Variants in GRIP1 observed in about 807,000 individuals in gnomAD.
GRIP1 encodes the protein glutamate receptor interacting protein 1.
A neutral mutation model predicts 129.9 loss-of-function variants in GRIP1; 45 were observed. The ratio of observed to expected loss-of-function variants is 0.35; its 90% CI spans 0.27 to 0.44. GRIP1 has a LOEUF of 0.44. GRIP1 is among the 20% of genes least tolerant of loss of function. The probability of loss-of-function intolerance (pLI) is 1.00; values close to 1 mark genes in which losing one functional copy is unlikely to be tolerated. For missense variants in GRIP1, 1,196 were observed against 1,396.8 expected, an observed-to-expected ratio of 0.86 and a Z score of 2.29; for synonymous variants, 530 against 520.8, an observed-to-expected ratio of 1.02 and a Z score of -0.24.
chr12:66,473,639 G>T (rs771292934), intron 7 of GRIP1, among the ~76,000 whole-genome samples: 1 of 152,220 alleles, frequency 6.6e-6, no homozygotes, highest in Non-Finnish European at 1.5e-5. Context: ...GAAGGAACAG[G>T]CAGCAATCTT....
At chr12:66,740,861 CA>C (rs2136555046) in intron 1 of GRIP1, among the ~76,000 whole-genome samples, 1 of 152,164 alleles carries the variant, frequency 6.6e-6, no homozygotes, top group South Asian at 2.1e-4. Flanking sequence ...AAGCAGGAGC[CA>C]ACCAAAGTCC....
intron 7 of GRIP1, among the ~76,000 whole-genome samples, chr12:66,503,278 A>T (rs992214649): frequency 1.3e-5 from 2 of 152,176 alleles, no homozygotes; most frequent in African/African-American, 4.8e-5. Context: ...TTTTGGGGGC[A>T]TCCCACCAGA....
intron 1 of GRIP1, among the ~76,000 whole-genome samples, chr12:66,721,486 G>A (rs933646040): frequency 1.2e-4 from 18 of 151,996 alleles, no homozygotes; most frequent in African/African-American, 3.9e-4. Flanking sequence ...TGTTGGCCAG[G>A]CTGGTCTTGA....
intron 1 of GRIP1, among the ~76,000 whole-genome samples, chr12:66,941,761 A>G (rs1370593038): frequency 6.6e-6 from 1 of 152,218 alleles, no homozygotes; most frequent in African/African-American, 2.4e-5. Flanking sequence ...AGGATGTACA[A>G]TTAAATGGCA....
At chr12:66,645,381 T>C (rs1387609089) in intron 1 of GRIP1, among the ~76,000 whole-genome samples, 4 of 151,952 alleles carry the variant, frequency 2.6e-5, no homozygotes, top group Non-Finnish European at 5.9e-5. Context: ...TCTGAGGACC[T>C]TATACATGCA....
chr12:66,679,206 G>C, upstream of GRIP1: 1 of 1,171,492 alleles, frequency 8.5e-7, no homozygotes, highest in South Asian at 1.6e-5. Context: ...ACAAAGCAGG[G>C]ACGACACTGT....
At chr12:66,369,763 C>T (rs1018478936) in intron 23 of GRIP1, among the ~76,000 whole-genome samples, 6 of 152,108 alleles carry the variant, frequency 3.9e-5, no homozygotes, top group South Asian at 4.1e-4. Context: ...AGGTGCCAGC[C>T]GTCTTCTTGG....
intron 1 of GRIP1, among the ~76,000 whole-genome samples, chr12:66,973,351 AT>A (rs1292365410): frequency 5.8e-5 from 8 of 138,536 alleles, no homozygotes; most frequent in African/African-American, 2.1e-4. Flanking sequence ...GAAAATGGTT[AT>A]TTTTTCCCTT....
chr12:66,931,733 A>G (rs2041399289), intron 1 of GRIP1, among the ~76,000 whole-genome samples: 1 of 152,224 alleles, frequency 6.6e-6, no homozygotes, highest in African/African-American at 2.4e-5. Flanking sequence ...TGAGAATATT[A>G]GATAAAATAC....
chr12:66,975,539 T>C (rs145670669), intron 1 of GRIP1, among the ~76,000 whole-genome samples: 43 of 152,340 alleles, frequency 2.8e-4, no homozygotes, highest in African/African-American at 9.9e-4. Context: ...AGAGGACTTA[T>C]CTTTCCTGTC....
Position 66,529,896 on chromosome 12 carries a change from A to G in GRIP1, c.437T>C (p.Val146Ala). The G allele has an allele frequency of 6.3e-7, 1 of 1,596,692 alleles. No individual in the cohort carries two copies. Among genetic ancestry groups the G allele is most frequent in the Non-Finnish European group, 8.6e-7 (1 of 1,164,024 alleles). ...TGTGACCTCCACTGTTCGGAAAATAACACTTGATCCTTGCACAGCTGAATA... is the reference window on the plus strand; with the variant it reads ...TGTGACCTCCACTGTTCGGAAAATAGCACTTGATCCTTGCACAGCTGAATA... ...LPPVSVQGSS[V>A]IFRTVEVTLH... The change falls in exon 5 of 25, where the codon GTT (valine) becomes GCT (alanine). Residue 146 changes from valine to alanine, a missense_variant. Val to Ala is a moderately conservative substitution (Grantham distance 64). Around this residue, in one of 5 missense-constraint regions of GRIP1, gnomAD observed 217 missense variants for 224.8 expected, o/e 0.97. Transcript: ENST00000359742.
chr12:66,561,485 T>TA (rs930677342), intron 2 of GRIP1, among the ~76,000 whole-genome samples: 11 of 150,026 alleles, frequency 7.3e-5, no homozygotes, highest in South Asian at 2.1e-4. Context: ...AATTAAAAAC[T>TA]AAAAAAAAAG....
At chr12:66,568,484 C>G (rs150472051) in intron 2 of GRIP1, 1 of 175,462 alleles carries the variant, frequency 5.7e-6, no homozygotes, top group Non-Finnish European at 1.3e-5. Flanking sequence ...CCTGCCTCCT[C>G]CTTGTCAGGT....
intron 1 of GRIP1, among the ~76,000 whole-genome samples, chr12:66,920,619 C>T (rs561412235): frequency 6.6e-6 from 1 of 152,306 alleles, no homozygotes; most frequent in South Asian, 2.1e-4. Flanking sequence ...ACCTCTTCCC[C>T]ACCAGGTCAC....
intron 1 of GRIP1, among the ~76,000 whole-genome samples, chr12:66,757,082 A>G (rs911480526): frequency 6.6e-6 from 1 of 152,226 alleles, no homozygotes; most frequent in Admixed American, 6.5e-5. Context: ...AGCATTTATC[A>G]TTTCTTTATG....
chr12:66,559,909 C>T (rs964278891), intron 2 of GRIP1, among the ~76,000 whole-genome samples: 1 of 152,086 alleles, frequency 6.6e-6, no homozygotes, highest in Non-Finnish European at 1.5e-5. Context: ...CATTACCTGA[C>T]TTCAAAATAT....
intron 2 of GRIP1, among the ~76,000 whole-genome samples, chr12:66,559,788 C>T (rs1025757996): frequency 6.6e-6 from 1 of 152,066 alleles, no homozygotes; most frequent in Admixed American, 6.6e-5. Flanking sequence ...ATTGAAATAT[C>T]AATGACATTC....
In GRIP1 at chr12:66,580,179, A is replaced by C. The variant is rs1339926518; in HGVS notation, c.136+16668T>G. Among the ~76,000 whole-genome samples, 1,013 of 148,222 alleles carry C rather than the reference A, an allele frequency of 6.8e-3. 4 individuals carry two copies. Among genetic ancestry groups the C allele is most frequent in the African/African-American group, 0.023 (931 of 40,350 alleles). On this transcript the variant is annotated intron_variant, in intron 2 of 24. Coordinates refer to ENST00000359742, the MANE Select transcript of GRIP1 (RefSeq NM_001366722.1). ...ACTAAGCTTCATAAGTGAAGGAGAAATAAAATACTTTACAGACAAGCAAAT... is the reference window on the plus strand; with the variant it reads ...ACTAAGCTTCATAAGTGAAGGAGAACTAAAATACTTTACAGACAAGCAAAT...
intron 1 of GRIP1, among the ~76,000 whole-genome samples, chr12:66,892,919 T>C (rs373268631): frequency 6.6e-6 from 1 of 152,114 alleles, no homozygotes; most frequent in African/African-American, 2.4e-5. Flanking sequence ...GTGAGCCAAA[T>C]AGCACCAATG....
Sources: gnomAD v4.1 joint callset for allele counts (sites outside exome capture counted in the v4.1 genomes callset) on GRCh38, gnomAD v4.1.1 for gene constraint, gnomAD v4.1.1 regional missense constraint, MANE v1.5 for transcripts, NCBI Gene and HGNC (gene_info 2026-07-23, HGNC 2026-07-21) for gene names.